The following NCK2 variants were observed in gnomAD, a reference collection of about 807,000 sequenced individuals.
NCK2 encodes the protein NCK adaptor protein 2, also known as cytoplasmic protein NCK2.
In NCK2, 16 loss-of-function variants were observed where a neutral mutation model predicts 33.9. That is an observed-to-expected ratio of 0.47 (90% confidence interval 0.32 to 0.72). The LOEUF (loss-of-function observed/expected upper bound fraction) is 0.72, where lower values mean the gene tolerates loss of function less well. NCK2 is among the 30% of genes least tolerant of loss of function. NCK2 has a pLI of 0.03. For synonymous variants in NCK2, 273 were observed against 239.9 expected, an observed-to-expected ratio of 1.14 and a Z score of -1.27; for missense variants, 418 against 537.3, an observed-to-expected ratio of 0.78 and a Z score of 2.19.
chr2:105,783,038 T>C (rs1006086764), intron 1 of NCK2, among the ~76,000 whole-genome samples: 1 of 152,168 alleles, frequency 6.6e-6, no homozygotes, highest in East Asian at 1.9e-4. Context: ...CAGAGCCTTT[T>C]TGGGTACCTG....
At chr2:105,858,037 G>GT (rs1677356110) in intron 3 of NCK2, among the ~76,000 whole-genome samples, 1 of 137,406 alleles carries the variant, frequency 7.3e-6, no homozygotes, top group Non-Finnish European at 1.6e-5. Context: ...TTTGTTCTTT[G>GT]TTTTTTGGGG....
intron 2 of NCK2, among the ~76,000 whole-genome samples, chr2:105,853,605 G>C (rs959213007): frequency 8.5e-5 from 13 of 152,066 alleles, no homozygotes; most frequent in African/African-American, 2.4e-4. Context: ...GTCTTTTCCA[G>C]TATGTCATAC....
chr2:105,883,308 AAT>A (rs1241701106), intron 4 of NCK2, among the ~76,000 whole-genome samples: 2 of 152,224 alleles, frequency 1.3e-5, no homozygotes, highest in African/African-American at 2.4e-5. Context: ...GCCTTAAGCA[AAT>A]TAAGGACAGC....
intron 4 of NCK2, among the ~76,000 whole-genome samples, chr2:105,891,570 A>ATTTTTTTTT (rs1678984708): frequency 2.4e-4 from 1 of 4,140 alleles, no homozygotes; most frequent in Non-Finnish European, 5.0e-4. Context: ...TTTTTTTTTG[A>ATTTTTTTTT]GATTTTTCGC....
In NCK2 at chr2:105,794,194, G is replaced by A. The variant is rs537136457; in HGVS notation, c.-200-22236G>A. 2.4e-4 allele frequency among the ~76,000 whole-genome samples: 36 copies of A among 151,700 alleles called. No homozygotes were observed. In the East Asian group the frequency reaches 4.9e-3, roughly 20 times the overall value. On this transcript the variant is annotated intron_variant, in intron 1 of 4. Transcript: ENST00000233154. ...CTCCCAAGTAGCTGGGATTACAGGC[G>A]CCTGCCACCACGCTGGCTAATTTTT... is the stretch of plus-strand genomic sequence containing the variant.
At chr2:105,881,276 TGTGGTG>T in intron 3 of NCK2, 46 bp from the exon 4 acceptor site, 1 of 1,534,214 alleles carries the variant, frequency 6.5e-7, no homozygotes, top group South Asian at 1.2e-5. Context: ...GGCTAGGGAG[TGTGGTG>T]GTGCCCAAGT....
At chr2:105,843,254 A>G (rs1676718575) in intron 2 of NCK2, among the ~76,000 whole-genome samples, 1 of 152,072 alleles carries the variant, frequency 6.6e-6, no homozygotes, top group Non-Finnish European at 1.5e-5. Context: ...AATATTTTTA[A>G]TAATATGTGT....
At chr2:105,883,734 C>CA (rs948304829) in intron 4 of NCK2, among the ~76,000 whole-genome samples, 2 of 152,168 alleles carry the variant, frequency 1.3e-5, no homozygotes, top group Admixed American at 6.5e-5. Context: ...CCCACTGTCT[C>CA]AGTTGTCTTA....
At chr2:105,834,677 A>AT (rs1289205126) in intron 2 of NCK2, among the ~76,000 whole-genome samples, 4 of 150,776 alleles carry the variant, frequency 2.7e-5, no homozygotes, top group Non-Finnish European at 5.9e-5. Context: ...TAATTTTTTT[A>AT]TTTTTTTAGA....
intron 1 of NCK2, among the ~76,000 whole-genome samples, chr2:105,803,678 A>T (rs1486049680): frequency 6.6e-6 from 1 of 152,180 alleles, no homozygotes; most frequent in Non-Finnish European, 1.5e-5. Flanking sequence ...CGTCTTTCAC[A>T]CTTGTGGTCC....
intron 2 of NCK2, among the ~76,000 whole-genome samples, chr2:105,841,756 C>T (rs957167416): frequency 6.6e-6 from 1 of 152,192 alleles, no homozygotes; most frequent in South Asian, 2.1e-4. Context: ...AAGACACTTA[C>T]ATTTGAGGCT....
Position 105,881,466 on chromosome 2 carries a change from A to G in NCK2, c.365A>G (p.Tyr122Cys). 2 of 1,613,866 alleles carry G rather than the reference A, an allele frequency of 1.2e-6. No individual in the cohort carries two copies. Among genetic ancestry groups the G allele is most frequent in the Non-Finnish European group, 1.7e-6 (2 of 1,179,990 alleles). The change falls in exon 4 of 5, where the codon TAT becomes TGT. Residue 122 changes from tyrosine (Y) to cysteine (C), a missense_variant. Physicochemically the swap from Tyr to Cys is radical, Grantham distance 194. Coordinates refer to ENST00000233154, the MANE Select transcript of NCK2 (RefSeq NM_003581.5). ...ATCCCGGCCTTCGTCAAGTTCGCCT[A>G]TGTGGCCGAGCGGGAGGATGAGTTG... ...LNIPAFVKFA[Y>C]VAEREDELSL...
chr2:105,829,821 G>A (rs1346875420), intron 2 of NCK2, among the ~76,000 whole-genome samples: 2 of 152,130 alleles, frequency 1.3e-5, no homozygotes, highest in Non-Finnish European at 2.9e-5. Context: ...GGAGTTCACT[G>A]CTTCATCTCC....
chr2:105,811,866 C>T (rs776439626), intron 1 of NCK2, among the ~76,000 whole-genome samples: 96 of 152,156 alleles, frequency 6.3e-4, no homozygotes, highest in Non-Finnish European at 8.4e-4. Context: ...GATTGACCTA[C>T]TGCTTGCTAT....
intron 4 of NCK2, among the ~76,000 whole-genome samples, chr2:105,887,794 C>G (rs1558888919): frequency 6.6e-6 from 1 of 152,132 alleles, no homozygotes; most frequent in South Asian, 2.1e-4. Context: ...TTTTATAAAA[C>G]TGCAAAGGTG....
intron 2 of NCK2, among the ~76,000 whole-genome samples, chr2:105,830,079 C>T (rs1676109984): frequency 1.3e-5 from 2 of 152,228 alleles, no homozygotes; most frequent in South Asian, 2.1e-4. Context: ...TTCCCTCAAA[C>T]ATTTATTTTC....
chr2:105,815,303 G>A (rs977276844), intron 1 of NCK2, among the ~76,000 whole-genome samples: 1 of 152,170 alleles, frequency 6.6e-6, no homozygotes, highest in Non-Finnish European at 1.5e-5. Context: ...TTATGAACTT[G>A]CCTTATAACA....
intron 1 of NCK2, among the ~76,000 whole-genome samples, chr2:105,792,960 G>A (rs1381989253): frequency 6.6e-6 from 1 of 152,188 alleles, no homozygotes; most frequent in African/African-American, 2.4e-5. Flanking sequence ...TTAGATGGGA[G>A]TCTTTCCCTT....
At chr2:105,749,275 A>G (rs891323474) in intron 1 of NCK2, among the ~76,000 whole-genome samples, 1 of 152,186 alleles carries the variant, frequency 6.6e-6, no homozygotes, top group Non-Finnish European at 1.5e-5. Context: ...TAAGAGAAGA[A>G]GCTTCAAGTG....
Sources: gnomAD v4.1 joint callset for allele counts (sites outside exome capture counted in the v4.1 genomes callset) on GRCh38, gnomAD v4.1.1 for gene constraint, MANE v1.5 for transcripts, NCBI Gene and HGNC (gene_info 2026-07-23, HGNC 2026-07-21) for gene names.